Variants in RTN4 observed in about 807,000 individuals in gnomAD.
RTN4 encodes reticulon 4.
Under a neutral mutation model 90.4 loss-of-function variants are expected in RTN4, and 32 were observed. The observed-to-expected ratio is 0.35, with a 90% confidence interval of 0.27 to 0.48. The LOEUF is 0.48. RTN4 is among the 20% of genes least tolerant of loss of function. RTN4 has a pLI of 0.99. For synonymous variants in RTN4, 629 were observed against 552.5 expected, an observed-to-expected ratio of 1.14 and a Z score of -1.94; for missense variants, 1,706 against 1,430.2, an observed-to-expected ratio of 1.19 and a Z score of -3.11.
At chr2:55,065,764 A>C (rs1006496163) in intron 2 of RTN4, among the ~76,000 whole-genome samples, 2 of 147,162 alleles carry the variant, frequency 1.4e-5, no homozygotes, top group Non-Finnish European at 1.5e-5. Context: ...TAAAAAAAAA[A>C]CATGCAAAAC....
intron 1 of RTN4, among the ~76,000 whole-genome samples, chr2:55,037,826 G>C (rs1398141470): frequency 2.0e-5 from 3 of 152,038 alleles, no homozygotes; most frequent in African/African-American, 7.2e-5. Flanking sequence ...AATACTAAGG[G>C]ACCTAGAAGA....
At chr2:55,091,561 C>G (rs1428690736) in intron 1 of RTN4, among the ~76,000 whole-genome samples, 6 of 152,206 alleles carry the variant, frequency 3.9e-5, no homozygotes, top group Non-Finnish European at 8.8e-5. Context: ...GCTGCAGTAG[C>G]TTGTACCTAG....
chr2:55,026,355 T>G lies in RTN4; in HGVS notation c.1744A>C (p.Thr582Pro). 6.2e-6 allele frequency: 10 copies of G among 1,613,966 alleles called. No individual in the cohort carries two copies. Among genetic ancestry groups the G allele is most frequent in the Non-Finnish European group, 8.5e-6 (10 of 1,179,898 alleles). ...AYETKMDLVQ[T>P]SEVMQESLYP... ...AGTGACTCTTGCATAACTTCTGATG[T>G]TTGAACCAAGTCCATTTTTGTTTCA... is the stretch of plus-strand genomic sequence containing the variant. The change falls in exon 3 of 9, where the codon ACA becomes CCA. Residue 582 changes from threonine to proline, a missense_variant. Physicochemically the swap from Thr to Pro is conservative, Grantham distance 38. Coordinates refer to ENST00000337526, the MANE Select transcript of RTN4 (RefSeq NM_020532.5).
intron 1 of RTN4, among the ~76,000 whole-genome samples, chr2:55,110,064 T>C (rs1022301409): frequency 7.2e-5 from 11 of 152,246 alleles, no homozygotes; most frequent in African/African-American, 2.4e-4. Context: ...ATCCCAGCAT[T>C]GTGGGAAGTC....
the RTN4 span, among the ~76,000 whole-genome samples, chr2:55,132,871 G>T: frequency 7.1e-6 from 1 of 141,266 alleles, no homozygotes; most frequent in East Asian, 2.1e-4. Flanking sequence ...TTAGGAATTA[G>T]TTCTCACTCT....
Position 55,027,402 on chromosome 2 carries a change from C to G in RTN4, c.697G>C (p.Ala233Pro), listed in dbSNP as rs1244741961. 2 of 1,613,520 alleles carry G rather than the reference C, an allele frequency of 1.2e-6. No homozygotes were observed. Among genetic ancestry groups the G allele is most frequent in the East Asian group, 4.5e-5 (2 of 44,884 alleles). ...DFPSVLLETAASLPSLSPLSA... is the reference protein window; with the variant it reads ...DFPSVLLETAPSLPSLSPLSA... ...AGAGGAGACAGAGAAGGAAGAGAAG[C>G]AGCAGTTTCAAGCAGGACAGATGGG... Residue 233 changes from alanine (A) to proline (P), a missense_variant, in exon 3 of 9, where the codon GCT becomes CCT. Ala to Pro is a conservative substitution (Grantham distance 27). Transcript: ENST00000337526.
upstream of RTN4, among the ~76,000 whole-genome samples, chr2:55,052,844 T>G (rs187595591): frequency 3.3e-5 from 5 of 152,328 alleles, no homozygotes; most frequent in East Asian, 9.6e-4. Context: ...CTATGACTGT[T>G]CTGAAATTCC....
At position 55,050,379 on chromosome 2, in the gene RTN4, G is replaced by A. The variant is rs935918858; in HGVS notation, c.-79C>T. On this transcript the variant is annotated 5_prime_UTR_variant, in exon 1 of 9. Coordinates refer to ENST00000337526, the MANE Select transcript of RTN4 (RefSeq NM_020532.5). The surrounding 1 kb of genome is among the most constrained non-coding windows in gnomAD (Gnocchi z 4.6). ...TCTCAGAGCCGCGGGCGGTTGTGGG[G>A]GTTGGGGAGGACTGAGAGGGGCTGG... The A allele has an allele frequency of 4.3e-6, 4 of 928,476 alleles. No homozygotes were observed. Among genetic ancestry groups the A allele is most frequent in the African/African-American group, 3.4e-5 (2 of 58,360 alleles). 57.5% of individuals were successfully genotyped at this position (928,476 alleles called of 1,614,324 possible).
At chr2:55,061,478 C>A (rs1264985199) in intron 2 of RTN4, among the ~76,000 whole-genome samples, 1 of 152,196 alleles carries the variant, frequency 6.6e-6, no homozygotes, top group Non-Finnish European at 1.5e-5. Flanking sequence ...ATGTCCTTTA[C>A]AGCTGGTTTA....
At chr2:55,136,562 C>G in the RTN4 span, among the ~76,000 whole-genome samples, 1,315 of 152,320 alleles carry the variant, frequency 8.6e-3, 9 homozygotes, top group Non-Finnish European at 0.015. Context: ...ACCTTATGTC[C>G]CTCAGATGAA....
intron 1 of RTN4, among the ~76,000 whole-genome samples, chr2:55,088,716 G>A (rs1668885319): frequency 6.6e-6 from 1 of 152,152 alleles, no homozygotes; most frequent in African/African-American, 2.4e-5. Flanking sequence ...GTGAAAGGCA[G>A]AAAGAAAAGA....
At chr2:54,974,837 TCCCATCTA>T in intron 5 of RTN4, 73 bp from the exon 6 acceptor site, 1 of 1,331,258 alleles carries the variant, frequency 7.5e-7, no homozygotes, top group Non-Finnish European at 1.1e-6. Flanking sequence ...TTCAAAAGCA[TCCCATCTA>T]AATGCCTACC....
chr2:55,106,379 C>A (rs536816680), intron 1 of RTN4, among the ~76,000 whole-genome samples: 1 of 152,064 alleles, frequency 6.6e-6, no homozygotes, highest in Admixed American at 6.6e-5. Context: ...ACACTGTACA[C>A]TCCTTGAGAG....
Position 54,973,127 on chromosome 2 carries a change from T to C in RTN4, c.*29A>G, listed in dbSNP as rs200991383. 1.3e-6 allele frequency: 2 copies of C among 1,587,282 alleles called. No homozygotes were observed. The highest frequency in any genetic ancestry group is 1.7e-6 in the Non-Finnish European group (2 of 1,157,824). Reference sequence around the variant, plus strand: ...ATCAAATGAATATCCCCTTTAAAGATGAACTCCTACTAATTATTTTGGGCG... The same window carrying C: ...ATCAAATGAATATCCCCTTTAAAGACGAACTCCTACTAATTATTTTGGGCG... On this transcript the variant is annotated 3_prime_UTR_variant, in exon 9 of 9. Coordinates refer to ENST00000337526, the MANE Select transcript of RTN4 (RefSeq NM_020532.5).
At chr2:55,019,731 GAGCA>G (rs1681293102) in intron 3 of RTN4, among the ~76,000 whole-genome samples, 1 of 152,088 alleles carries the variant, frequency 6.6e-6, no homozygotes, top group Non-Finnish European at 1.5e-5. Context: ...CAGAGCAATT[GAGCA>G]AGAGAGAAAT....
chr2:55,108,664 C>G (rs929628804), intron 1 of RTN4, among the ~76,000 whole-genome samples: 1 of 152,094 alleles, frequency 6.6e-6, no homozygotes. Context: ...TATCCTTACC[C>G]ACCTCTCCTC....
intron 3 of RTN4, among the ~76,000 whole-genome samples, chr2:55,008,974 AC>A (rs1680437842): frequency 6.6e-6 from 1 of 152,114 alleles, no homozygotes; most frequent in Non-Finnish European, 1.5e-5. Context: ...TAAAGGCAAA[AC>A]CCAAAGCTGT....
chr2:55,090,737 C>T (rs1215025103), intron 1 of RTN4, among the ~76,000 whole-genome samples: 1 of 152,180 alleles, frequency 6.6e-6, no homozygotes, highest in Non-Finnish European at 1.5e-5. Flanking sequence ...AATTTCTCCT[C>T]TTAGATATCT....
chr2:54,985,069 G>C (rs1208799828), intron 4 of RTN4, among the ~76,000 whole-genome samples: 1 of 148,414 alleles, frequency 6.7e-6, no homozygotes, highest in East Asian at 2.0e-4. Context: ...GTTTTGGCTT[G>C]ACAATATTTT....
Sources: allele counts gnomAD v4.1 joint callset (sites outside exome capture counted in the v4.1 genomes callset), GRCh38; gene constraint gnomAD v4.1.1; non-coding constraint Gnocchi (gnomAD v3.1); transcripts MANE v1.5; gene names NCBI Gene and HGNC (gene_info 2026-07-23, HGNC 2026-07-21).